Variants in ADAM7 observed in about 807,000 individuals in gnomAD.
The protein encoded by ADAM7 is ADAM metallopeptidase domain 7, also known as disintegrin and metalloproteinase domain-containing protein 7.
A neutral mutation model predicts 102.9 loss-of-function variants in ADAM7; 97 were observed. The observed-to-expected ratio is 0.94, with a 90% CI of 0.80 to 1.12. ADAM7 has a LOEUF of 1.12. ADAM7 is among the 50% of genes most tolerant of loss of function. ADAM7 has a pLI of 0.00. For synonymous variants in ADAM7, 334 were observed against 304.4 expected (o/e 1.10, Z -1.01); for missense variants, 991 against 908.7 (o/e 1.09, Z -1.16).
In ADAM7 at chr8:24,507,640, C is replaced by A. The variant is rs948251123; in HGVS notation, c.2264+105C>A. The A allele has an allele frequency of 2.2e-5, 19 of 858,408 alleles. No homozygotes were observed. The East Asian group carries it at 3.7e-4, about 17-fold the overall frequency. 53.2% of individuals were successfully genotyped at this position (858,408 alleles called of 1,614,324 possible). ...TGATTTACTGGGGACATCCTCTGTACTTATCACAACAGATTAGGAAGGTTA... is the reference window on the plus strand; with the variant it reads ...TGATTTACTGGGGACATCCTCTGTAATTATCACAACAGATTAGGAAGGTTA... On this transcript the variant is annotated intron_variant, in intron 21 of 21. Transcript: ENST00000175238.
chr8:24,491,585 G>T (rs1820356561), intron 13 of ADAM7, among the ~76,000 whole-genome samples: 1 of 152,010 alleles, frequency 6.6e-6, no homozygotes, highest in South Asian at 2.1e-4. Context: ...GGGTAGGCAG[G>T]GTATGTACTG....
intron 7 of ADAM7, among the ~76,000 whole-genome samples, chr8:24,471,929 CT>C (rs1819617944): frequency 6.6e-6 from 1 of 151,810 alleles, no homozygotes; most frequent in African/African-American, 2.4e-5. Flanking sequence ...TATACCTAAA[CT>C]TCTCAAGAGA....
chr8:24,472,126 A>AC (rs1169166480), intron 7 of ADAM7, among the ~76,000 whole-genome samples: 4 of 145,174 alleles, frequency 2.8e-5, no homozygotes, highest in Non-Finnish European at 3.0e-5. Context: ...AGATAACAAA[A>AC]AAAAAAAAAA....
At chr8:24,441,823 C>A (rs963024480) in intron 1 of ADAM7, among the ~76,000 whole-genome samples, 2 of 152,172 alleles carry the variant, frequency 1.3e-5, no homozygotes, top group Non-Finnish European at 2.9e-5. Context: ...TCAAACAGGA[C>A]AACAGTGCAG....
intron 8 of ADAM7, 109 bp downstream of exon 8, chr8:24,476,613 A>C: frequency 1.4e-6 from 1 of 722,380 alleles, no homozygotes; most frequent in Non-Finnish European, 2.2e-6. Context: ...AGGGAGTACA[A>C]AGCACAAAGA....
intron 3 of ADAM7, among the ~76,000 whole-genome samples, chr8:24,454,280 T>C (rs565006267): frequency 2.6e-5 from 4 of 152,212 alleles, no homozygotes; most frequent in Admixed American, 6.5e-5. Context: ...GGCAGGCCGG[T>C]CTCCTTGAGC....
intron 20 of ADAM7, 63 bp downstream of exon 20, chr8:24,501,639 G>T: frequency 1.6e-6 from 2 of 1,282,000 alleles, no homozygotes; most frequent in Non-Finnish European, 2.2e-6. Flanking sequence ...AGCTGAATGT[G>T]TTTAAAGTAG....
rs115531151 is a variant in ADAM7 at position 24,477,481 on chromosome 8, T to C, written c.705+977T>C. ...TGTACTTTGAGTTACAACCTAACAC[T>C]ACTTTATTTTGTTGCTCAAACTGTT... On this transcript the variant is annotated intron_variant, in intron 8 of 21. Coordinates refer to ENST00000175238, the MANE Select transcript of ADAM7 (RefSeq NM_003817.4). Among the ~76,000 whole-genome samples the C allele has an allele frequency of 2.7e-3, 404 of 152,102 alleles. 1 individual carries two copies. Among genetic ancestry groups the C allele is most frequent in the African/African-American group, 9.1e-3 (377 of 41,514 alleles).
chr8:24,497,590 C>A (rs1377937799), intron 16 of ADAM7, among the ~76,000 whole-genome samples: 1 of 151,838 alleles, frequency 6.6e-6, no homozygotes, highest in Non-Finnish European at 1.5e-5. Context: ...AAATAGAGTT[C>A]TAAAAAATTC....
chr8:24,478,501 T>C (rs916044027), intron 8 of ADAM7, among the ~76,000 whole-genome samples: 1 of 152,188 alleles, frequency 6.6e-6, no homozygotes, highest in Non-Finnish European at 1.5e-5. Flanking sequence ...TTTATCTTTG[T>C]TCTGTTTCAT....
chr8:24,498,294 GAA>G (rs891861661), intron 16 of ADAM7, among the ~76,000 whole-genome samples: 1 of 151,596 alleles, frequency 6.6e-6, no homozygotes, highest in African/African-American at 2.4e-5. Context: ...TGAATTGAGA[GAA>G]AGAGGAAAGA....
At chr8:24,508,427 G>A in intron 21 of ADAM7, 119 bp from the exon 22 acceptor site, 2 of 988,354 alleles carry the variant, frequency 2.0e-6, no homozygotes, top group Middle Eastern at 2.2e-4. Flanking sequence ...ATGAATAAAT[G>A]TAGGACTACA....
intron 6 of ADAM7, among the ~76,000 whole-genome samples, chr8:24,468,564 A>T (rs1359259865): frequency 6.6e-6 from 1 of 152,144 alleles, no homozygotes; most frequent in Non-Finnish European, 1.5e-5. Flanking sequence ...AAATACTAAA[A>T]TCCGATGTAT....
chr8:24,472,793 C>G (rs1819649320), intron 7 of ADAM7, among the ~76,000 whole-genome samples: 1 of 151,726 alleles, frequency 6.6e-6, no homozygotes, highest in East Asian at 1.9e-4. Flanking sequence ...CAAAAAATAC[C>G]ACAATGGAGT....
chr8:24,506,245 A>T, intron 20 of ADAM7: 2 of 1,058,882 alleles, frequency 1.9e-6, no homozygotes, highest in Non-Finnish European at 2.8e-6. Context: ...TGGTTCCTTG[A>T]AAAGGACCAA....
intron 20 of ADAM7, among the ~76,000 whole-genome samples, chr8:24,507,144 T>A (rs905610266): frequency 1.3e-5 from 2 of 152,016 alleles, no homozygotes; most frequent in Non-Finnish European, 2.9e-5. Context: ...CCAACAGAGA[T>A]GTTATCGGAA....
chr8:24,484,802 C>CT (rs544478529), intron 9 of ADAM7, among the ~76,000 whole-genome samples: 5,103 of 91,906 alleles, frequency 0.056, 164 homozygotes, highest in African/African-American at 0.066. Flanking sequence ...ATTGCACTGG[C>CT]TTTTTTTTTT....
intron 19 of ADAM7, 106 bp downstream of exon 19, chr8:24,501,001 C>G (rs577743642): frequency 1.1e-6 from 1 of 916,978 alleles, no homozygotes; most frequent in East Asian, 2.5e-5. Context: ...AAGCTTCTTA[C>G]TGAAGATCAG....
At chr8:24,470,948 G>A (rs1409460748) in intron 7 of ADAM7, among the ~76,000 whole-genome samples, 4 of 152,006 alleles carry the variant, frequency 2.6e-5, no homozygotes, top group African/African-American at 7.2e-5. Flanking sequence ...CAGAGGAGGC[G>A]GCAGCTGTAT....
Sources: allele counts gnomAD v4.1 joint callset (sites outside exome capture counted in the v4.1 genomes callset), GRCh38; gene constraint gnomAD v4.1.1; transcripts MANE v1.5; gene names NCBI Gene and HGNC (gene_info 2026-07-23, HGNC 2026-07-21).